Variants in FLRT2 observed in about 807,000 individuals in gnomAD.
The protein encoded by FLRT2 is fibronectin leucine rich transmembrane protein 2, also known as leucine-rich repeat transmembrane protein FLRT2.
A neutral mutation model predicts 40.0 loss-of-function variants in FLRT2; 15 were observed. That is an observed-to-expected ratio of 0.38 (90% CI 0.25 to 0.58). The LOEUF (loss-of-function observed/expected upper bound fraction) is 0.58. FLRT2 is among the 20% of genes least tolerant of loss of function. The pLI is 0.71. For missense variants in FLRT2, 726 were observed against 840.0 expected, an observed-to-expected ratio of 0.86 and a Z score of 1.68; for synonymous variants, 380 against 336.8, an observed-to-expected ratio of 1.13 and a Z score of -1.41.
chr14:85,624,682 C>A lies in FLRT2; in HGVS notation c.*1185C>A, dbSNP rs1171248094. ...TTTTCATAATTAGTTGTTTATGACA[C>A]CTTTGTTTTTCTCCCTCTGTTCAGT... is the stretch of plus-strand genomic sequence containing the variant. On this transcript the variant is annotated 3_prime_UTR_variant, in exon 2 of 2. Transcript: ENST00000330753. The A allele has an allele frequency of 6.0e-6, 1 of 166,742 alleles. No individual in the cohort carries two copies. The highest frequency in any genetic ancestry group is 1.5e-5 in the Non-Finnish European group (1 of 68,128). 10.3% of individuals were successfully genotyped at this position (166,742 alleles called of 1,614,324 possible).
At position 85,649,574 on chromosome 14, in the gene FLRT2, A is replaced by G. The variant is rs1167245140; in HGVS notation, c.*26077A>G. 2 of 152,106 alleles carry G rather than the reference A, an allele frequency of 1.3e-5. No individual in the cohort carries two copies. The highest frequency in any genetic ancestry group is 4.8e-5 in the African/African-American group (2 of 41,442). The allele number at this position is 152,106 out of a possible 1,614,324, so 9.4% of individuals were successfully genotyped here. On this transcript the variant is annotated 3_prime_UTR_variant, in exon 2 of 2. Coordinates refer to ENST00000330753, the MANE Select transcript of FLRT2 (RefSeq NM_013231.6). ...AGATGATGCCAGATTGATCCTAACA[A>G]ACATAAAGCTCAGAATCAAAACCAG...
intron 1 of FLRT2, among the ~76,000 whole-genome samples, chr14:85,531,725 C>T (rs1365061860): frequency 6.6e-6 from 1 of 152,186 alleles, no homozygotes; most frequent in Non-Finnish European, 1.5e-5. Context: ...AGCCGCGCTC[C>T]CTCCTCCCCG....
At chr14:85,578,110 T>A (rs1259913900) in intron 1 of FLRT2, among the ~76,000 whole-genome samples, 2 of 144,942 alleles carry the variant, frequency 1.4e-5, no homozygotes, top group African/African-American at 5.0e-5. Flanking sequence ...ATATATATAT[T>A]TATATATATA....
At chr14:85,566,635 C>T (rs4127746) in intron 1 of FLRT2, among the ~76,000 whole-genome samples, 6 of 151,154 alleles carry the variant, frequency 4.0e-5, no homozygotes, top group Non-Finnish European at 7.4e-5. Context: ...TGCAATATTT[C>T]GTATTCTTCA....
At chr14:85,620,849 T>C (rs967998819) in intron 1 of FLRT2, among the ~76,000 whole-genome samples, 3 of 152,176 alleles carry the variant, frequency 2.0e-5, no homozygotes, top group Non-Finnish European at 4.4e-5. Context: ...GATATGCAAA[T>C]AGATAAAGAA....
intron 1 of FLRT2, among the ~76,000 whole-genome samples, chr14:85,599,652 A>G (rs1892297351): frequency 6.6e-6 from 1 of 152,154 alleles, no homozygotes; most frequent in Non-Finnish European, 1.5e-5. Context: ...GCCATTAATT[A>G]ATCTTTAATC....
Position 85,643,290 on chromosome 14 carries a change from TTTTTC to T in FLRT2, c.*19797_*19801del, listed in dbSNP as rs1421158366. On this transcript the variant is annotated 3_prime_UTR_variant, in exon 2 of 2. Transcript: ENST00000330753. ...GAGAGAGTTCAGAGGGTATTTCTTT[TTTTTC>T]TTTCTTTCTTTCTTTCTTTCTTTCT... 3.7e-5 allele frequency: 5 copies of T among 136,076 alleles called. No individual in the cohort carries two copies. The highest frequency in any genetic ancestry group is 6.0e-5 in the African/African-American group (2 of 33,408). The allele number at this position is 136,076 out of a possible 1,614,324, so 8.4% of individuals were successfully genotyped here.
intron 1 of FLRT2, among the ~76,000 whole-genome samples, chr14:85,616,714 T>C (rs1268743535): frequency 1.3e-5 from 2 of 152,174 alleles, no homozygotes; most frequent in Non-Finnish European, 2.9e-5. Context: ...CACAGGACCA[T>C]GATTACCTGA....
rs973667952 is a variant in FLRT2, at chr14:85,624,815, A to G, written c.*1318A>G. 1 of 167,046 alleles carries G rather than the reference A, an allele frequency of 6.0e-6. No individual in the cohort carries two copies. Among genetic ancestry groups the G allele is most frequent in the Non-Finnish European group, 1.5e-5 (1 of 68,132 alleles). 10.3% of individuals were successfully genotyped at this position (167,046 alleles called of 1,614,324 possible). A position where few individuals can be genotyped will look rare whatever the true frequency, so the allele number is the denominator to read the frequency against. The stretch of plus-strand genomic sequence containing the variant: ...TTTCACTGCTAATAATTCTGTAAGG[A>G]CACATCAAAGCTGGCCAAAATAATG... On this transcript the variant is annotated 3_prime_UTR_variant, in exon 2 of 2. Transcript: ENST00000330753.
rs1235960468 is a variant in FLRT2 at position 85,636,174 on chromosome 14, CAG to C, written c.*12679_*12680del. ...TAAAGGGAATTTAATAAAATGCAAGCAGATTAGTAAAATAATTTGTTTTAAAG... is the reference window on the plus strand; with the variant it reads ...TAAAGGGAATTTAATAAAATGCAAGCATTAGTAAAATAATTTGTTTTAAAG... On this transcript the variant is annotated 3_prime_UTR_variant, in exon 2 of 2. Coordinates refer to ENST00000330753, the MANE Select transcript of FLRT2 (RefSeq NM_013231.6). 3 of 151,788 alleles carry C rather than the reference CAG, an allele frequency of 2.0e-5. No individual in the cohort carries two copies. The highest frequency in any genetic ancestry group is 7.3e-5 in the African/African-American group (3 of 41,320). The allele number at this position is 151,788 out of a possible 1,614,324, so 9.4% of individuals were successfully genotyped here.
At chr14:85,562,634 T>TTTTTTTTTTTTTTC (rs1890416454) in intron 1 of FLRT2, 1 of 149,502 alleles carries the variant, frequency 6.7e-6, no homozygotes. Flanking sequence ...TTTTTTTTTT[T>TTTTTTTTTTTTTTC]GAATCTAGAC....
chr14:85,568,370 G>A (rs2139857172), intron 1 of FLRT2, among the ~76,000 whole-genome samples: 1 of 152,202 alleles, frequency 6.6e-6, no homozygotes, highest in African/African-American at 2.4e-5. Flanking sequence ...TAAGGAGAGT[G>A]AACATGGAAA....
chr14:85,539,701 C>A (rs1888872011), intron 1 of FLRT2, among the ~76,000 whole-genome samples: 1 of 152,104 alleles, frequency 6.6e-6, no homozygotes, highest in Admixed American at 6.5e-5. Context: ...TGTGAAAATA[C>A]CTTGATAACA....
chr14:85,569,374 G>A (rs7140767), intron 1 of FLRT2, among the ~76,000 whole-genome samples: 295 of 152,314 alleles, frequency 1.9e-3, no homozygotes, highest in African/African-American at 6.8e-3. Context: ...AGCTGACCAG[G>A]AAACCGTACC....
rs1037071757 is a variant in FLRT2 at position 85,629,758 on chromosome 14, C to T, written c.*6261C>T. On this transcript the variant is annotated 3_prime_UTR_variant, in exon 2 of 2. Transcript: ENST00000330753. ...ATTTTTCATGATGGAGCTATCATAACTTCTCAGTGGATACATATATTATCA... is the reference window on the plus strand; with the variant it reads ...ATTTTTCATGATGGAGCTATCATAATTTCTCAGTGGATACATATATTATCA... 3.3e-5 allele frequency: 5 copies of T among 152,152 alleles called. No homozygotes were observed. Among genetic ancestry groups the T allele is most frequent in the Admixed American group, 3.3e-4 (5 of 15,272 alleles). The allele number at this position is 152,152 out of a possible 1,614,324, so 9.4% of individuals were successfully genotyped here.
chr14:85,549,338 C>T (rs1889471430), intron 1 of FLRT2, among the ~76,000 whole-genome samples: 1 of 152,152 alleles, frequency 6.6e-6, no homozygotes, highest in Non-Finnish European at 1.5e-5. Context: ...CTGCCATGGG[C>T]CTGCACGGAG....
chr14:85,571,040 G>A (rs907685964), intron 1 of FLRT2, among the ~76,000 whole-genome samples: 1 of 152,100 alleles, frequency 6.6e-6, no homozygotes, highest in Non-Finnish European at 1.5e-5. Context: ...TTGGATGATG[G>A]TAGGTGGTGA....
In FLRT2 at chr14:85,654,206, C is replaced by G. The variant is rs561734834; in HGVS notation, c.*30709C>G. 1 of 152,092 alleles carries G rather than the reference C, an allele frequency of 6.6e-6. No homozygotes were observed. Among genetic ancestry groups the G allele is most frequent in the Non-Finnish European group, 1.5e-5 (1 of 68,012 alleles). The allele number at this position is 152,092 out of a possible 1,614,324, so 9.4% of individuals were successfully genotyped here. A position where few individuals can be genotyped will look rare whatever the true frequency, so the allele number is the denominator to read the frequency against. On this transcript the variant is annotated 3_prime_UTR_variant, in exon 2 of 2. Transcript: ENST00000330753. ...TTAATTGTGATTTGTTTATGACTAA[C>G]AGCATGGATTTGAGACAGTTATGAA...
Position 85,623,136 on chromosome 14 carries a change from T to A in FLRT2, c.1622T>A (p.Phe541Tyr), listed in dbSNP as rs770570149. 6.2e-7 allele frequency: 1 copy of A among 1,602,784 alleles called. No individual in the cohort carries two copies. The highest frequency in any genetic ancestry group is 1.1e-5 in the South Asian group (1 of 89,814). ...ACGTCCCACAGCATGGGCTCCCCCT[T>A]TCTGCTGGCGGGCTTGATCGGGGGC... Reference protein sequence around the residue: ...QTTSHSMGSPFLLAGLIGGAV... With the variant: ...QTTSHSMGSPYLLAGLIGGAV... Residue 541 changes from phenylalanine to tyrosine, a missense_variant, in exon 2 of 2, where the codon TTT becomes TAT. Phe to Tyr is a conservative substitution (Grantham distance 22). Transcript: ENST00000330753.
Sources: gnomAD v4.1 joint callset for allele counts (sites outside exome capture counted in the v4.1 genomes callset) on GRCh38, gnomAD v4.1.1 for gene constraint, MANE v1.5 for transcripts, NCBI Gene and HGNC (gene_info 2026-07-23, HGNC 2026-07-21) for gene names.